AP2A1: variants seen among roughly 807,000 people sequenced by gnomAD.
The protein encoded by AP2A1 is AP-2 complex subunit alpha-1.
Under a neutral mutation model 107.3 loss-of-function variants are expected in AP2A1, and 21 were observed. The observed-to-expected ratio is 0.20, with a 90% CI of 0.14 to 0.28. The LOEUF (loss-of-function observed/expected upper bound fraction) is 0.28. AP2A1 is among the 10% of genes least tolerant of loss of function. AP2A1 has a pLI of 1.00. For synonymous variants in AP2A1, 602 were observed against 564.8 expected (o/e 1.07, Z -0.93); for missense variants, 873 against 1,307.7 (o/e 0.67, Z 5.13).
chr19:49,767,352 G>C (rs1056201791), intron 1 of AP2A1, among the ~76,000 whole-genome samples, 152 bp downstream of exon 1: 1 of 152,094 alleles, frequency 6.6e-6, no homozygotes, highest in Non-Finnish European at 1.5e-5. Flanking sequence ...CTTTAGAGTG[G>C]GGGGCACGTA....
At chr19:49,794,444 C>T (rs1404433111) in intron 6 of AP2A1, among the ~76,000 whole-genome samples, 1 of 152,072 alleles carries the variant, frequency 6.6e-6, no homozygotes, top group Non-Finnish European at 1.5e-5. Flanking sequence ...TCAAGTGATC[C>T]TCCCGCCTCA....
chr19:49,779,487 CAA>C (rs370114853), intron 1 of AP2A1, among the ~76,000 whole-genome samples: 439 of 83,952 alleles, frequency 5.2e-3, no homozygotes, highest in African/African-American at 0.019. Context: ...GCCTGGGCTA[CAA>C]AAAAAAAAAA....
intron 1 of AP2A1, among the ~76,000 whole-genome samples, chr19:49,772,243 A>G: frequency 1.0e-5 from 1 of 96,068 alleles, no homozygotes; most frequent in African/African-American, 3.8e-5. Flanking sequence ...TATTTTTCAT[A>G]GAGTTTTTTT....
At chr19:49,803,256 G>A (rs754446442) in intron 17 of AP2A1, 31 bp from the exon 18 acceptor site, 2 of 1,613,134 alleles carry the variant, frequency 1.2e-6, no homozygotes, top group East Asian at 4.5e-5. Context: ...GAGGGACTCA[G>A]ATGGAGCTCT....
chr19:49,786,659 T>C (rs1304866025), intron 4 of AP2A1, among the ~76,000 whole-genome samples: 1 of 152,148 alleles, frequency 6.6e-6, no homozygotes, highest in African/African-American at 2.4e-5. Context: ...TGACTCAGAA[T>C]GCTAAGAACT....
At chr19:49,795,392 C>T (rs1215773250) in intron 6 of AP2A1, among the ~76,000 whole-genome samples, 1 of 152,178 alleles carries the variant, frequency 6.6e-6, no homozygotes, top group East Asian at 1.9e-4. Context: ...CATGGTGGCT[C>T]ATGCCTGTAA....
At position 49,806,826 on chromosome 19, in the gene AP2A1, G is replaced by T; in HGVS notation, c.*68G>T. The T allele has an allele frequency of 6.2e-7, 1 of 1,606,018 alleles. No homozygotes were observed. On this transcript the variant is annotated 3_prime_UTR_variant, in exon 23 of 23. Transcript: ENST00000354293. ...CCCCTTGGACTGAGGCAGTTTTGGT[G>T]GATGGGGGACCTCCACTGGTGACAG...
intron 8 of AP2A1, 51 bp downstream of exon 8, chr19:49,799,003 G>C (rs2073244398): frequency 6.5e-7 from 1 of 1,548,600 alleles, no homozygotes; most frequent in South Asian, 1.2e-5. Context: ...GGAAAGAGGG[G>C]CATGGAGGCC....
chr19:49,801,641 AC>A lies in AP2A1; in HGVS notation c.1785+24del. 1.3e-6 allele frequency: 1 copy of A among 751,752 alleles called. No homozygotes were observed. The highest frequency in any genetic ancestry group is 4.1e-4 in the Middle Eastern group (1 of 2,442). 46.6% of individuals were successfully genotyped at this position (751,752 alleles called of 1,614,324 possible). A position where few individuals can be genotyped will look rare whatever the true frequency, so the allele number is the denominator to read the frequency against. ...GTCCTGGTCAGAGCCCTGTCCCCCC[AC>A]CCCACCCCTCTTGCACACCCCCTTC... On this transcript the variant is annotated intron_variant, in intron 13 of 22. Coordinates refer to ENST00000354293, the MANE Select transcript of AP2A1 (RefSeq NM_130787.3).
chr19:49,775,678 G>A (rs959204294), intron 1 of AP2A1, among the ~76,000 whole-genome samples: 3 of 152,228 alleles, frequency 2.0e-5, no homozygotes, highest in Non-Finnish European at 2.9e-5. Context: ...GCTGGGATTA[G>A]AGGCGGGAGG....
At chr19:49,787,718 A>T (rs1481222734) in intron 4 of AP2A1, among the ~76,000 whole-genome samples, 2 of 151,990 alleles carry the variant, frequency 1.3e-5, no homozygotes, top group African/African-American at 4.8e-5. Flanking sequence ...AACAACCACT[A>T]CCACCTAATT....
intron 18 of AP2A1, 22 bp downstream of exon 18, chr19:49,803,398 A>G: frequency 6.2e-7 from 1 of 1,604,448 alleles, no homozygotes; most frequent in South Asian, 1.1e-5. Context: ...GGCCCGGCCC[A>G]GCCTCCTGCC....
chr19:49,768,601 T>C (rs4801806), intron 1 of AP2A1, among the ~76,000 whole-genome samples: 12 of 152,212 alleles, frequency 7.9e-5, no homozygotes, highest in African/African-American at 2.6e-4. Context: ...TTAACTGTTA[T>C]GGAAGGATCT....
At position 49,806,707 on chromosome 19, in the gene AP2A1, C is replaced by G. The variant is rs751108202; in HGVS notation, c.2817C>G (p.Ser939Arg). The change falls in exon 23 of 23, where the codon AGC becomes AGG. Residue 939 changes from serine to arginine, a missense_variant. Transcript: ENST00000354293. Reference sequence around the variant, plus strand: ...TGTACCGGCTGACCCTGCGCACCAGCAAGGAGCCCGTCTCCCGTCACCTGT... The same window carrying G: ...TGTACCGGCTGACCCTGCGCACCAGGAAGGAGCCCGTCTCCCGTCACCTGT... ...AQMYRLTLRT[S>R]KEPVSRHLCE... is the part of the protein sequence containing the mutation. 2 of 1,613,298 alleles carry G rather than the reference C, an allele frequency of 1.2e-6. No homozygotes were observed. The highest frequency in any genetic ancestry group is 1.3e-5 in the African/African-American group (1 of 74,880).
Position 49,803,381 on chromosome 19 carries a change from C to T in AP2A1, c.2344+5C>T. On this transcript the variant is annotated splice_donor_5th_base_variant and intron_variant, in intron 18 of 22. Transcript: ENST00000354293. ...ACCCGGGAGACCTCCAGACTCATAT[C>T]CTCTCAGGCCCGGCCCAGCCTCCTG... is the stretch of plus-strand genomic sequence containing the variant. 6.2e-7 allele frequency: 1 copy of T among 1,612,568 alleles called. No homozygotes were observed. The highest frequency in any genetic ancestry group is 8.5e-7 in the Non-Finnish European group (1 of 1,178,716).
chr19:49,793,901 T>TC (rs1394888818), intron 6 of AP2A1, among the ~76,000 whole-genome samples: 19 of 127,938 alleles, frequency 1.5e-4, no homozygotes, highest in Non-Finnish European at 2.7e-4. Flanking sequence ...ATTGTTTCTT[T>TC]TTTTTTTTTT....
chr19:49,790,903 G>C (rs2073133415), intron 4 of AP2A1, among the ~76,000 whole-genome samples: 2 of 152,248 alleles, frequency 1.3e-5, no homozygotes, highest in African/African-American at 4.8e-5. Context: ...GGGGGCAGCT[G>C]TTCCTGCTGT....
chr19:49,801,302 G>A, intron 12 of AP2A1, 88 bp from the exon 13 acceptor site: 1 of 1,360,174 alleles, frequency 7.4e-7, no homozygotes. Flanking sequence ...CCTGGGACGG[G>A]TCCATCCTAG....
rs368897679 is a variant in AP2A1 at position 49,787,333 on chromosome 19, TG to T, written c.474-4601del. 2.4e-3 allele frequency among the ~76,000 whole-genome samples: 301 copies of T among 127,156 alleles called. 15 individuals are homozygous for T. The highest frequency in any genetic ancestry group is 5.1e-3 in the African/African-American group (148 of 29,166). The allele number at this position is 127,156 out of a possible 152,430, so 83.4% of individuals were successfully genotyped here. A position where few individuals can be genotyped will look rare whatever the true frequency, so the allele number is the denominator to read the frequency against. The stretch of plus-strand genomic sequence containing the variant: ...CCACCACTCCCATCTAGGCTTTTTT[TG>T]TTTGTTTTTTTTGTTTTTTGTTTTT... On this transcript the variant is annotated intron_variant, in intron 4 of 22. Coordinates refer to ENST00000354293, the MANE Select transcript of AP2A1 (RefSeq NM_130787.3).
Sources: allele counts gnomAD v4.1 joint callset (sites outside exome capture counted in the v4.1 genomes callset), GRCh38; gene constraint gnomAD v4.1.1; transcripts MANE v1.5; gene names NCBI Gene and HGNC (gene_info 2026-07-23, HGNC 2026-07-21).